Variants in TCF7L2 observed in about 807,000 individuals in gnomAD.
TCF7L2 encodes the protein transcription factor 7-like 2.
TCF7L2 carries 23 observed loss-of-function variants against 77.9 expected under a neutral mutation model. The observed-to-expected ratio is 0.30, with a 90% confidence interval of 0.21 to 0.42. The LOEUF (loss-of-function observed/expected upper bound fraction) is 0.42. Ranked by LOEUF, TCF7L2 falls within the 10% of genes least tolerant of loss-of-function variation. The probability of loss-of-function intolerance (pLI) is 1.00; values close to 1 mark genes in which losing one functional copy is unlikely to be tolerated. For synonymous variants in TCF7L2, 413 were observed against 340.2 expected (o/e 1.21, Z -2.36); for missense variants, 654 against 793.1 (o/e 0.82, Z 2.11).
At chr10:113,126,738 G>T in intron 5 of TCF7L2, 1 of 985,856 alleles carries the variant, frequency 1.0e-6, no homozygotes, top group Non-Finnish European at 1.2e-6. Flanking sequence ...TGCCGCGGGT[G>T]CGCGGCGGCG....
At chr10:113,097,644 C>CGG (rs201380051) in intron 5 of TCF7L2, among the ~76,000 whole-genome samples, 1 of 53,852 alleles carries the variant, frequency 1.9e-5, no homozygotes, top group African/African-American at 1.0e-4. Flanking sequence ...ACTCTTGTCT[C>CGG]GGAAAAAAAA....
In TCF7L2 at chr10:113,165,761, C is replaced by T. The variant is rs780686355; in HGVS notation, c.1598C>T (p.Pro533Leu). 1.9e-6 allele frequency: 3 copies of T among 1,610,322 alleles called. No individual in the cohort carries two copies. The highest frequency in any genetic ancestry group is 3.3e-5 in the Admixed American group (2 of 59,708). ...CCCCTGGCCCACCTGTCCATGATGC[C>T]TCCGCCACCCGCCCTCCTGCTCGCT... The change falls in exon 14 of 14, where the codon CCT (proline) becomes CTT (leucine). Residue 533 changes from proline (P) to leucine (L), a missense_variant. By Grantham distance (98) the Pro-to-Leu change is moderately conservative. This residue lies in a region of TCF7L2 where 272 missense variants were observed against 215.4 expected (regional missense o/e 1.26). Transcript: ENST00000627217.
intron 3 of TCF7L2, among the ~76,000 whole-genome samples, chr10:112,961,256 C>CA (rs200614227): frequency 0.02 from 1,251 of 61,512 alleles, 360 homozygotes; most frequent in African/African-American, 0.063. Flanking sequence ...CTCAGGTGAC[C>CA]CCCCCCCCCC....
intron 4 of TCF7L2, among the ~76,000 whole-genome samples, chr10:112,994,203 A>G (rs374267784): frequency 6.6e-6 from 1 of 151,920 alleles, no homozygotes; most frequent in South Asian, 2.1e-4. Flanking sequence ...CATTTTCCTC[A>G]CCCCCGAGGA....
At chr10:113,144,098 G>T in intron 7 of TCF7L2, 73 bp downstream of exon 7, 1 of 817,712 alleles carries the variant, frequency 1.2e-6, no homozygotes, top group Non-Finnish European at 1.7e-6. Flanking sequence ...CTGTGTGTGT[G>T]TCTGTGTGTG....
chr10:113,150,912 T>G (rs1008816786), intron 8 of TCF7L2, 86 bp from the exon 9 acceptor site: 165 of 1,557,184 alleles, frequency 1.1e-4, no homozygotes, highest in Non-Finnish European at 1.4e-4. Flanking sequence ...CGTGCTGTTT[T>G]TTTTTTTCTT....
chr10:113,141,680 G>C (rs555747544), intron 6 of TCF7L2, among the ~76,000 whole-genome samples: 25 of 152,252 alleles, frequency 1.6e-4, no homozygotes, highest in African/African-American at 5.5e-4. Flanking sequence ...GAATCATATT[G>C]AAGGCATTTC....
At chr10:113,011,283 A>G (rs1339153186) in intron 4 of TCF7L2, among the ~76,000 whole-genome samples, 3 of 152,236 alleles carry the variant, frequency 2.0e-5, no homozygotes, top group Non-Finnish European at 4.4e-5. Context: ...GCACAGGGCC[A>G]TAGAGTTCTC....
chr10:113,072,847 T>C (rs774956006), intron 5 of TCF7L2, among the ~76,000 whole-genome samples: 4 of 151,960 alleles, frequency 2.6e-5, no homozygotes, highest in Non-Finnish European at 5.9e-5. Context: ...TGGGAAGAAA[T>C]GAAAAAAGAA....
chr10:113,042,295 G>T (rs1247401433), intron 5 of TCF7L2, among the ~76,000 whole-genome samples: 1 of 152,064 alleles, frequency 6.6e-6, no homozygotes, highest in Non-Finnish European at 1.5e-5. Flanking sequence ...AACTCCCCTG[G>T]GGCATACACA....
Position 112,959,170 on chromosome 10 carries a change from CTT to C in TCF7L2, c.382-5376_382-5375del, listed in dbSNP as rs34886366. Among the ~76,000 whole-genome samples, 641 of 149,212 alleles carry C rather than the reference CTT, an allele frequency of 4.3e-3. 3 individuals carry two copies. Among genetic ancestry groups the C allele is most frequent in the African/African-American group, 0.014 (586 of 41,004 alleles). On this transcript the variant is annotated intron_variant, in intron 3 of 13. Coordinates refer to ENST00000627217, the MANE Select transcript of TCF7L2 (RefSeq NM_001146274.2). ...TCACCATAAAGAAGTTCAAGCTCAA[CTT>C]TTTTTTTTTGCGAGACTTTGCAGCA...
chr10:113,140,351 G>A (rs1391681341), intron 5 of TCF7L2, among the ~76,000 whole-genome samples: 1 of 151,942 alleles, frequency 6.6e-6, no homozygotes, highest in African/African-American at 2.4e-5. Flanking sequence ...CCCCCACCCT[G>A]CCCTCTGCTT....
intron 5 of TCF7L2, among the ~76,000 whole-genome samples, chr10:113,099,941 A>G (rs1190525718): frequency 2.0e-5 from 3 of 152,138 alleles, no homozygotes; most frequent in African/African-American, 7.2e-5. Context: ...GGATCAGGAA[A>G]AAGCAAAAAC....
At chr10:113,030,784 C>T (rs546639371) in intron 4 of TCF7L2, among the ~76,000 whole-genome samples, 18 of 152,342 alleles carry the variant, frequency 1.2e-4, no homozygotes, top group African/African-American at 4.1e-4. Context: ...GTCCTTTAAC[C>T]TCCTGGCTTA....
intron 5 of TCF7L2, among the ~76,000 whole-genome samples, chr10:113,070,271 A>T (rs984593398): frequency 3.7e-5 from 5 of 135,058 alleles, no homozygotes; most frequent in Admixed American, 7.4e-5. Context: ...AAAAAAATTT[A>T]TATATATATA....
intron 4 of TCF7L2, among the ~76,000 whole-genome samples, chr10:112,973,996 C>T (rs902936549): frequency 6.6e-6 from 1 of 152,156 alleles, no homozygotes; most frequent in Non-Finnish European, 1.5e-5. Flanking sequence ...GGGTTGGTCC[C>T]AGTTCTTACC....
At chr10:113,008,117 A>G (rs897917542) in intron 4 of TCF7L2, among the ~76,000 whole-genome samples, 1 of 152,172 alleles carries the variant, frequency 6.6e-6, no homozygotes, top group Non-Finnish European at 1.5e-5. Context: ...AGCTTTGCAG[A>G]CACTTTGGTT....
intron 4 of TCF7L2, among the ~76,000 whole-genome samples, chr10:113,013,728 T>C (rs2046849021): frequency 6.6e-6 from 1 of 152,196 alleles, no homozygotes; most frequent in Non-Finnish European, 1.5e-5. Flanking sequence ...TGGAGCTTAG[T>C]CCCCACTTTC....
chr10:113,054,007 G>A (rs1172248752), intron 5 of TCF7L2, among the ~76,000 whole-genome samples: 1 of 152,204 alleles, frequency 6.6e-6, no homozygotes, highest in African/African-American at 2.4e-5. Flanking sequence ...GGCGGGGAGA[G>A]GCAGGTTTCC....
Sources: gnomAD v4.1 joint callset for allele counts (sites outside exome capture counted in the v4.1 genomes callset) on GRCh38, gnomAD v4.1.1 for gene constraint, gnomAD v4.1.1 regional missense constraint, MANE v1.5 for transcripts, NCBI Gene and HGNC (gene_info 2026-07-23, HGNC 2026-07-21) for gene names.